The following L3MBTL4 variants were observed in gnomAD, a reference collection of about 807,000 sequenced individuals.
L3MBTL4 encodes L3MBTL histone methyl-lysine binding protein 4.
A neutral mutation model predicts 84.5 loss-of-function variants in L3MBTL4; 70 were observed. That is an observed-to-expected ratio of 0.83 (90% CI 0.68 to 1.01). L3MBTL4 has a LOEUF of 1.01. Ranked by LOEUF, L3MBTL4 falls within the 50% of genes least tolerant of loss-of-function variation. The pLI is 0.00. For synonymous variants in L3MBTL4, 274 were observed against 259.8 expected (o/e 1.05, Z -0.52); for missense variants, 715 against 754.8 (o/e 0.95, Z 0.62).
At chr18:6,329,917 T>G (rs2051936683) in intron 1 of L3MBTL4, among the ~76,000 whole-genome samples, 1 of 152,222 alleles carries the variant, frequency 6.6e-6, no homozygotes. Flanking sequence ...CATATCAGTA[T>G]GCATAGTTTT....
chr18:6,394,629 G>A (rs1184988160), intron 1 of L3MBTL4, among the ~76,000 whole-genome samples: 1 of 151,990 alleles, frequency 6.6e-6, no homozygotes, highest in African/African-American at 2.4e-5. Flanking sequence ...AGCAATGCCT[G>A]ACACACGCCA....
chr18:6,215,908 G>A (rs2046307180), intron 10 of L3MBTL4, 73 bp from the exon 11 acceptor site: 2 of 787,422 alleles, frequency 2.5e-6, no homozygotes. Flanking sequence ...ACAAAACGTT[G>A]GATGATATGA....
intron 14 of L3MBTL4, among the ~76,000 whole-genome samples, chr18:6,119,404 C>A (rs1184310538): frequency 6.6e-6 from 1 of 152,156 alleles, no homozygotes; most frequent in Non-Finnish European, 1.5e-5. Flanking sequence ...CATCAGTTTG[C>A]TGCTTAACAC....
At chr18:6,090,599 C>T (rs1476456979) in intron 15 of L3MBTL4, among the ~76,000 whole-genome samples, 1 of 135,272 alleles carries the variant, frequency 7.4e-6, no homozygotes, top group African/African-American at 3.4e-5. Context: ...TATATACACA[C>T]ACACACACAC....
At chr18:6,196,054 T>A (rs2045363523) in intron 12 of L3MBTL4, among the ~76,000 whole-genome samples, 1 of 151,810 alleles carries the variant, frequency 6.6e-6, no homozygotes, top group Non-Finnish European at 1.5e-5. Context: ...CCAGAGCGCC[T>A]GCCACACACC....
chr18:6,012,730 G>A (rs949223454), intron 16 of L3MBTL4, among the ~76,000 whole-genome samples: 7 of 151,558 alleles, frequency 4.6e-5, no homozygotes, highest in East Asian at 1.9e-4. Context: ...CTATGACTGC[G>A]CCATTGCACT....
intron 5 of L3MBTL4, among the ~76,000 whole-genome samples, chr18:6,263,094 A>C (rs962585937): frequency 1.3e-5 from 2 of 152,120 alleles, no homozygotes; most frequent in Non-Finnish European, 2.9e-5. Flanking sequence ...CCAACACAGC[A>C]AAACCCTGTC....
chr18:5,965,533 GC>G (rs2052309309), intron 17 of L3MBTL4, among the ~76,000 whole-genome samples: 1 of 152,106 alleles, frequency 6.6e-6, no homozygotes, highest in Non-Finnish European at 1.5e-5. Flanking sequence ...GTCCAGCTCA[GC>G]CCTGAACTGC....
intron 15 of L3MBTL4, among the ~76,000 whole-genome samples, chr18:6,089,777 T>C (rs921493346): frequency 6.6e-6 from 1 of 152,222 alleles, no homozygotes; most frequent in East Asian, 1.9e-4. Context: ...AGTAAGTATG[T>C]GCTATTAATA....
At chr18:6,030,805 C>T (rs568660481) in intron 16 of L3MBTL4, 25 of 984,864 alleles carry the variant, frequency 2.5e-5, no homozygotes, top group African/African-American at 5.2e-5. Flanking sequence ...AAACGTCTTA[C>T]GATAATGAAG....
chr18:6,318,494 TAAAAAAA>T (rs71370550), intron 1 of L3MBTL4, among the ~76,000 whole-genome samples: 5 of 14,198 alleles, frequency 3.5e-4, no homozygotes, highest in Non-Finnish European at 6.5e-4. Flanking sequence ...ACAACAATAG[TAAAAAAA>T]AAAAAAAAAA....
At chr18:6,165,754 A>G (rs972808864) in intron 13 of L3MBTL4, among the ~76,000 whole-genome samples, 1 of 152,246 alleles carries the variant, frequency 6.6e-6, no homozygotes, top group African/African-American at 2.4e-5. Context: ...CATCAAGGCT[A>G]GGAAGAAACT....
At chr18:6,135,862 G>A (rs2060012535) in intron 14 of L3MBTL4, among the ~76,000 whole-genome samples, 1 of 152,146 alleles carries the variant, frequency 6.6e-6, no homozygotes, top group Non-Finnish European at 1.5e-5. Flanking sequence ...CTTTTCAGCA[G>A]TGTCCCACTC....
intron 10 of L3MBTL4, among the ~76,000 whole-genome samples, chr18:6,221,764 GA>G (rs2145890538): frequency 6.6e-6 from 1 of 152,280 alleles, no homozygotes; most frequent in Admixed American, 6.5e-5. Context: ...AATTATATAA[GA>G]AAGCCCCTCA....
At chr18:6,337,370 G>A (rs2052392930) in intron 1 of L3MBTL4, among the ~76,000 whole-genome samples, 1 of 151,984 alleles carries the variant, frequency 6.6e-6, no homozygotes, top group Non-Finnish European at 1.5e-5. Context: ...AAAATGTTCA[G>A]GAGAAGAATG....
chr18:6,030,594 G>T, intron 16 of L3MBTL4: 1 of 767,246 alleles, frequency 1.3e-6, no homozygotes, highest in Non-Finnish European at 1.6e-6. Context: ...CACCTCCCAG[G>T]TTCAAGCGAT....
intron 16 of L3MBTL4, among the ~76,000 whole-genome samples, chr18:6,080,393 G>T (rs1330721894): frequency 6.6e-6 from 1 of 152,200 alleles, no homozygotes; most frequent in South Asian, 2.1e-4. Context: ...GGAAAGAAAC[G>T]TAACTAAAAG....
chr18:6,074,920 C>T (rs1019926185), intron 16 of L3MBTL4, among the ~76,000 whole-genome samples: 1 of 151,872 alleles, frequency 6.6e-6, no homozygotes, highest in Admixed American at 6.6e-5. Context: ...CATCTCTATA[C>T]AAGCAGAAAA....
At chr18:6,409,650 G>A (rs2055883865) in intron 1 of L3MBTL4, among the ~76,000 whole-genome samples, 1 of 152,058 alleles carries the variant, frequency 6.6e-6, no homozygotes, top group Non-Finnish European at 1.5e-5. Context: ...TAGGCCTAGG[G>A]CCTAAGCAGA....
Sources: gnomAD v4.1 joint callset for allele counts (sites outside exome capture counted in the v4.1 genomes callset) on GRCh38, gnomAD v4.1.1 for gene constraint, MANE v1.5 for transcripts, NCBI Gene and HGNC (gene_info 2026-07-23, HGNC 2026-07-21) for gene names.